TUBB1: variants seen among roughly 807,000 people sequenced by gnomAD.
TUBB1 encodes tubulin beta 1 class VI.
In TUBB1, 28 loss-of-function variants were observed where a neutral mutation model predicts 22.6. That is an observed-to-expected ratio of 1.24 (90% CI 0.92 to 1.70). The LOEUF (loss-of-function observed/expected upper bound fraction) is 1.70, where lower values mean the gene tolerates loss of function less well. Among genes scored for constraint, TUBB1 ranks in the 40% most tolerant of loss-of-function variants. The pLI is 0.00. For synonymous variants in TUBB1, 226 were observed against 238.0 expected (o/e 0.95, Z 0.46); for missense variants, 577 against 605.5 (o/e 0.95, Z 0.49).
Position 59,024,198 on chromosome 20 carries a change from G to T in TUBB1, c.771G>T (p.Met257Ile). 6.2e-7 allele frequency: 1 copy of T among 1,614,160 alleles called. No homozygotes were observed. Among genetic ancestry groups the T allele is most frequent in the South Asian group, 1.1e-5 (1 of 91,086 alleles). Residue 257 changes from methionine (M) to isoleucine (I), a missense_variant, in exon 4 of 4, where the codon ATG becomes ATT. Transcript: ENST00000217133. The surrounding 1 kb of genome is among the most constrained non-coding windows in gnomAD (Gnocchi z 4.9). Reference sequence around the variant, plus strand: ...ACCTGCGCAAGCTGGCGGTGAACATGGTCCCCTTCCCCCGCCTGCACTTCT... The same window carrying T: ...ACCTGCGCAAGCTGGCGGTGAACATTGTCCCCTTCCCCCGCCTGCACTTCT... ...NADLRKLAVN[M>I]VPFPRLHFFM...
upstream of TUBB1, among the ~76,000 whole-genome samples, chr20:59,018,914 T>C (rs946232441): frequency 6.6e-6 from 1 of 152,194 alleles, no homozygotes; most frequent in Non-Finnish European, 1.5e-5. Context: ...GCAGAGTAAC[T>C]TGCATACAGG....
rs74310897 is a variant in TUBB1, at chr20:59,020,628, A to G, written c.57+1049A>G. Among the ~76,000 whole-genome samples, 180 of 152,340 alleles carry G rather than the reference A, an allele frequency of 1.2e-3. 2 individuals are homozygous for G. In the East Asian group the frequency reaches 0.028, roughly 24 times the overall value. ...CTCTCATGTTTATTGTAACGCTTAA[A>G]AAAAATCAATTACTGTTTTATTAGT... On this transcript the variant is annotated intron_variant, in intron 1 of 3. Transcript: ENST00000217133.
chr20:59,019,611 T>C (rs1477293314), intron 1 of TUBB1, 32 bp downstream of exon 1: 1 of 1,612,812 alleles, frequency 6.2e-7, no homozygotes. Flanking sequence ...ATCCTAGCTT[T>C]ACCACAGTCC....
At position 59,024,724 on chromosome 20, in the gene TUBB1, G is replaced by C. The variant is rs2091986308; in HGVS notation, c.1297G>C (p.Glu433Gln). The C allele has an allele frequency of 1.2e-6, 2 of 1,614,152 alleles. No homozygotes were observed. The highest frequency in any genetic ancestry group is 1.7e-6 in the Non-Finnish European group (2 of 1,180,026). The change falls in exon 4 of 4, where the codon GAG (glutamate) becomes CAG (glutamine). Residue 433 changes from glutamate to glutamine, a missense_variant. Physicochemically the swap from Glu to Gln is conservative, Grantham distance 29 (BLOSUM62 2). Transcript: ENST00000217133. This position sits in a 1 kb window ranked among gnomAD's most constrained non-coding sequence, Gnocchi z 4.9. ...QQFQDAKAVLEEDEEVTEEAE... is the reference protein window; with the variant it reads ...QQFQDAKAVLQEDEEVTEEAE... The stretch of plus-strand genomic sequence containing the variant: ...ATTTCAAGATGCCAAAGCAGTTCTA[G>C]AGGAAGATGAAGAGGTCACGGAGGA...
At chr20:59,016,539 A>G (rs2091946355), upstream of TUBB1, among the ~76,000 whole-genome samples, 1 of 151,924 alleles carries the variant, frequency 6.6e-6, no homozygotes, top group South Asian at 2.1e-4. Context: ...ATCTTCGGAG[A>G]AGTCTGGTAG....
In TUBB1 at chr20:59,024,212, G is replaced by A. The variant is rs202107797; in HGVS notation, c.785G>A (p.Arg262His). 10 of 1,613,922 alleles carry A rather than the reference G, an allele frequency of 6.2e-6. No individual in the cohort carries two copies. The highest frequency in any genetic ancestry group is 1.1e-5 in the South Asian group (1 of 91,082). ...KLAVNMVPFP[R>H]LHFFMPGFAP... is the part of the protein sequence containing the mutation. ...GCGGTGAACATGGTCCCCTTCCCCC[G>A]CCTGCACTTCTTTATGCCCGGCTTT... Residue 262 changes from arginine to histidine, a missense_variant, in exon 4 of 4, where the codon CGC becomes CAC. Physicochemically the swap from Arg to His is conservative, Grantham distance 29. Coordinates refer to ENST00000217133, the MANE Select transcript of TUBB1 (RefSeq NM_030773.4). This position sits in a 1 kb window ranked among gnomAD's most constrained non-coding sequence, Gnocchi z 4.9.
rs763470972 is a variant in TUBB1 at position 59,024,594 on chromosome 20, CA to C, written c.1171del (p.Arg391GlyfsTer15). 25 of 1,614,004 alleles carry C rather than the reference CA, an allele frequency of 1.5e-5. No individual in the cohort carries two copies. The highest frequency in any genetic ancestry group is 2.5e-6 in the Non-Finnish European group (3 of 1,180,050). On this transcript the variant is annotated frameshift_variant, in exon 4 of 4. Coordinates refer to ENST00000217133, the MANE Select transcript of TUBB1 (RefSeq NM_030773.4). LOFTEE classifies it low-confidence loss of function (END_TRUNC). This position sits in a 1 kb window ranked among gnomAD's most constrained non-coding sequence, Gnocchi z 4.9. ...TCTCTGAGCATTTCTCAGCCATGTT[CA>C]AAAGGAAAGCTTTTGTGCACTGGTA... Reference protein sequence around the residue: ...RVSEHFSAMFKRKAFVHWYTS... With the variant: ...RVSEHFSAMFXRKAFVHWYTS...
chr20:59,026,056 C>T lies in TUBB1; in HGVS notation c.*1273C>T, dbSNP rs996863355. On this transcript the variant is annotated 3_prime_UTR_variant, in exon 4 of 4. Transcript: ENST00000217133. ...GATAACCGGTAATGGGAAAATGCTCCGACCCTCAATGCAGTAAATATTTAC... is the reference window on the plus strand; with the variant it reads ...GATAACCGGTAATGGGAAAATGCTCTGACCCTCAATGCAGTAAATATTTAC... 3.3e-5 allele frequency: 5 copies of T among 152,054 alleles called. No homozygotes were observed. The highest frequency in any genetic ancestry group is 6.6e-5 in the Admixed American group (1 of 15,266). 9.4% of individuals were successfully genotyped at this position (152,054 alleles called of 1,614,324 possible).
At chr20:59,018,963 C>T (rs1349980655), upstream of TUBB1, among the ~76,000 whole-genome samples, 2 of 152,220 alleles carry the variant, frequency 1.3e-5, no homozygotes, top group East Asian at 3.9e-4. Context: ...GCAGACAGTG[C>T]CTGATGCAGG....
At position 59,023,912 on chromosome 20, in the gene TUBB1, G is replaced by A. The variant is rs151081609; in HGVS notation, c.485G>A (p.Arg162Gln). ...MNKIREEYPD[R>Q]IMNSFSVMPS... Reference sequence around the variant, plus strand: ...AAGATTAGAGAGGAGTACCCGGACCGGATCATGAATTCCTTCAGCGTCATG... The same window carrying A: ...AAGATTAGAGAGGAGTACCCGGACCAGATCATGAATTCCTTCAGCGTCATG... Residue 162 changes from arginine to glutamine, a missense_variant, in exon 4 of 4, where the codon CGG becomes CAG. Coordinates refer to ENST00000217133, the MANE Select transcript of TUBB1 (RefSeq NM_030773.4). 1.5e-4 allele frequency: 250 copies of A among 1,614,174 alleles called. No individual in the cohort carries two copies. The highest frequency in any genetic ancestry group is 2.0e-4 in the Non-Finnish European group (233 of 1,180,032).
intron 1 of TUBB1, among the ~76,000 whole-genome samples, chr20:59,021,957 G>A (rs1601237171): frequency 6.7e-6 from 1 of 149,086 alleles, no homozygotes; most frequent in Non-Finnish European, 1.5e-5. Context: ...ATTGTGCTAC[G>A]GCACTCCAGC....
chr20:59,025,530 TA>T lies in TUBB1; in HGVS notation c.*748del, dbSNP rs1455425662. The T allele has an allele frequency of 6.6e-6, 1 of 152,310 alleles. No homozygotes were observed. The highest frequency in any genetic ancestry group is 1.5e-5 in the Non-Finnish European group (1 of 68,086). The allele number at this position is 152,310 out of a possible 1,614,324, so 9.4% of individuals were successfully genotyped here. A position where few individuals can be genotyped will look rare whatever the true frequency, so the allele number is the denominator to read the frequency against. ...CTAGCCTTTAACATATATGTTTATA[TA>T]GTTTAAATTTCTTACTACTGTTAGA... On this transcript the variant is annotated 3_prime_UTR_variant, in exon 4 of 4. Coordinates refer to ENST00000217133, the MANE Select transcript of TUBB1 (RefSeq NM_030773.4).
At chr20:59,022,004 T>TAAACAAAC (rs1555809205) in intron 1 of TUBB1, among the ~76,000 whole-genome samples, 21,069 of 145,830 alleles carry the variant, frequency 0.14, 1,848 homozygotes, top group East Asian at 0.31. Flanking sequence ...TCAAAATAAA[T>TAAACAAAC]AAATAAACAA....
At chr20:59,023,057 T>C (rs2091975822) in intron 2 of TUBB1, 104 bp downstream of exon 2, 4 of 1,117,666 alleles carry the variant, frequency 3.6e-6, no homozygotes, top group East Asian at 2.5e-5. Context: ...GTGATGTCTA[T>C]GCTCAGGGAG....
intron 1 of TUBB1, 96 bp downstream of exon 1, chr20:59,019,675 C>G: frequency 7.7e-7 from 1 of 1,293,684 alleles, no homozygotes; most frequent in Non-Finnish European, 1.1e-6. Flanking sequence ...GACAATAAGT[C>G]TAGCAGATTT....
chr20:59,019,374 C>G (rs940428208), upstream of TUBB1: 14 of 867,918 alleles, frequency 1.6e-5, no homozygotes, highest in Non-Finnish European at 2.7e-5. Context: ...GTGGACACAC[C>G]CTTGGTCACA....
Position 59,023,909 on chromosome 20 carries a change from A to T in TUBB1, c.482A>T (p.Asp161Val). ...AACAAGATTAGAGAGGAGTACCCGG[A>T]CCGGATCATGAATTCCTTCAGCGTC... ...LMNKIREEYP[D>V]RIMNSFSVMP... Residue 161 changes from aspartate to valine, a missense_variant, in exon 4 of 4, where the codon GAC (aspartate) becomes GTC (valine). Asp to Val is a radical substitution (Grantham distance 152). Coordinates refer to ENST00000217133, the MANE Select transcript of TUBB1 (RefSeq NM_030773.4). 6.2e-7 allele frequency: 1 copy of T among 1,614,182 alleles called. No homozygotes were observed. Among genetic ancestry groups the T allele is most frequent in the Non-Finnish European group, 8.5e-7 (1 of 1,180,032 alleles).
rs368101671 is a variant in TUBB1 at position 59,023,751 on chromosome 20, G to C, written c.324G>C (p.Glu108Asp). ...GNNWAKGHYT[E>D]GAELIENVLE... is the part of the protein sequence containing the mutation. The stretch of plus-strand genomic sequence containing the variant: ...ACTGGGCCAAAGGCCACTACACGGA[G>C]GGAGCCGAGCTGATCGAGAATGTCC... Residue 108 changes from glutamate to aspartate, a missense_variant, in exon 4 of 4, where the codon GAG becomes GAC. Glu to Asp is a conservative substitution (Grantham distance 45). Coordinates refer to ENST00000217133, the MANE Select transcript of TUBB1 (RefSeq NM_030773.4). The C allele has an allele frequency of 3.1e-6, 5 of 1,614,248 alleles. No homozygotes were observed. Among genetic ancestry groups the C allele is most frequent in the Non-Finnish European group, 3.4e-6 (4 of 1,180,042 alleles).
In TUBB1 at chr20:59,025,519, A is replaced by G. The variant is rs1053012293; in HGVS notation, c.*736A>G. 3.9e-5 allele frequency: 6 copies of G among 152,318 alleles called. No individual in the cohort carries two copies. The highest frequency in any genetic ancestry group is 9.6e-5 in the African/African-American group (4 of 41,468). 9.4% of individuals were successfully genotyped at this position (152,318 alleles called of 1,614,324 possible). On this transcript the variant is annotated 3_prime_UTR_variant, in exon 4 of 4. Coordinates refer to ENST00000217133, the MANE Select transcript of TUBB1 (RefSeq NM_030773.4). ...TTTCTGAAGAGCTAGCCTTTAACAT[A>G]TATGTTTATATAGTTTAAATTTCTT...
Sources: allele counts gnomAD v4.1 joint callset (sites outside exome capture counted in the v4.1 genomes callset), GRCh38; gene constraint gnomAD v4.1.1; non-coding constraint Gnocchi (gnomAD v3.1); transcripts MANE v1.5; gene names NCBI Gene and HGNC (gene_info 2026-07-23, HGNC 2026-07-21).